PIBF1: variants seen among roughly 807,000 people sequenced by gnomAD.
The protein encoded by PIBF1 is progesterone-induced-blocking factor 1.
PIBF1 carries 90 observed loss-of-function variants against 112.5 expected under a neutral mutation model. The ratio of observed to expected loss-of-function variants is 0.80; its 90% confidence interval spans 0.67 to 0.95. The LOEUF is 0.95. Ranked by LOEUF, PIBF1 falls within the 40% of genes least tolerant of loss-of-function variation. PIBF1 has a pLI of 0.00. For missense variants in PIBF1, 915 were observed against 852.3 expected (o/e 1.07, Z -0.92); for synonymous variants, 301 against 288.6 (o/e 1.04, Z -0.44).
At chr13:72,884,461 T>C (rs2039765606) in intron 10 of PIBF1, 1 of 152,134 alleles carries the variant, frequency 6.6e-6, no homozygotes, top group Non-Finnish European at 1.5e-5. Flanking sequence ...AGCAACACTT[T>C]CTGCAAGGGG....
intron 5 of PIBF1, among the ~76,000 whole-genome samples, chr13:72,813,781 ACCCACTTCTTAAT>A (rs1029278913): frequency 3.9e-5 from 6 of 152,156 alleles, no homozygotes; most frequent in Non-Finnish European, 8.8e-5. Context: ...AGAGGAATGG[ACCCACTTCTTAAT>A]CAGAAAATAG....
rs578204114 is a variant in PIBF1, at chr13:72,921,225, C to T, written c.1730+4059C>T. Reference sequence around the variant, plus strand: ...TCAAGCAATTCTCCTGCCTCAGCCTCCCAAGTAGCTGGGACTACAGGTGCA... The same window carrying T: ...TCAAGCAATTCTCCTGCCTCAGCCTTCCAAGTAGCTGGGACTACAGGTGCA... On this transcript the variant is annotated intron_variant, in intron 13 of 17. Coordinates refer to ENST00000326291, the MANE Select transcript of PIBF1 (RefSeq NM_006346.4). Among the ~76,000 whole-genome samples, 14 of 152,218 alleles carry T rather than the reference C, an allele frequency of 9.2e-5. No homozygotes were observed. The South Asian group carries it at 2.7e-3, about 29-fold the overall frequency.
intron 17 of PIBF1, among the ~76,000 whole-genome samples, chr13:73,009,246 G>C (rs951318513): frequency 6.6e-6 from 1 of 152,140 alleles, no homozygotes; most frequent in Non-Finnish European, 1.5e-5. Context: ...GAACTTAGTC[G>C]TGTGGCCACA....
intron 13 of PIBF1, among the ~76,000 whole-genome samples, chr13:72,920,273 TG>T (rs1253525502): frequency 6.6e-6 from 1 of 152,232 alleles, no homozygotes; most frequent in Non-Finnish European, 1.5e-5. Context: ...TCCTGCCAGC[TG>T]GTGCCAGGCA....
At chr13:72,943,554 A>G (rs779848300) in intron 14 of PIBF1, among the ~76,000 whole-genome samples, 1 of 152,208 alleles carries the variant, frequency 6.6e-6, no homozygotes, top group Non-Finnish European at 1.5e-5. Flanking sequence ...ACTTATTTTT[A>G]AAGGCCCATG....
At chr13:72,931,628 A>G (rs1346614874) in intron 14 of PIBF1, among the ~76,000 whole-genome samples, 1 of 150,720 alleles carries the variant, frequency 6.6e-6, no homozygotes, top group Non-Finnish European at 1.5e-5. Flanking sequence ...TTAATGAGAA[A>G]TCACTCCTCT....
At chr13:72,811,737 A>G (rs1273298314) in intron 5 of PIBF1, among the ~76,000 whole-genome samples, 1 of 152,178 alleles carries the variant, frequency 6.6e-6, no homozygotes, top group African/African-American at 2.4e-5. Flanking sequence ...TGGACTTACT[A>G]AAATCCCTCT....
chr13:72,958,871 T>C (rs1156238034), intron 14 of PIBF1, among the ~76,000 whole-genome samples: 1 of 152,216 alleles, frequency 6.6e-6, no homozygotes, highest in African/African-American at 2.4e-5. Context: ...CCAAGATCAC[T>C]AGGACTGTAT....
intron 6 of PIBF1, among the ~76,000 whole-genome samples, chr13:72,825,936 G>A (rs925243677): frequency 2.6e-5 from 4 of 151,148 alleles, no homozygotes; most frequent in Admixed American, 2.6e-4. Flanking sequence ...GCACATGGTG[G>A]CATGCACCTG....
At chr13:72,969,927 G>A (rs10492653) in intron 15 of PIBF1, among the ~76,000 whole-genome samples, 15,713 of 152,030 alleles carry the variant, frequency 0.1, 2,310 homozygotes, top group African/African-American at 0.33. Context: ...ATCCAAAAGC[G>A]TTATCAAGTT....
chr13:72,783,513 C>G lies in PIBF1; in HGVS notation c.44C>G (p.Ser15Cys). Residue 15 changes from serine to cysteine, a missense_variant, in exon 2 of 18, where the codon TCT becomes TGT. Physicochemically the swap from Ser to Cys is moderately radical, Grantham distance 112 (BLOSUM62 -1). Transcript: ENST00000326291. ...AAGGAGTCAAAAAAAGTGAACATCT[C>G]TAGTTCTCTGGAATCTGAAGATATT... ...ISKESKKVNI[S>C]SSLESEDISL... The G allele has an allele frequency of 6.2e-7, 1 of 1,611,792 alleles. No homozygotes were observed. The highest frequency in any genetic ancestry group is 8.5e-7 in the Non-Finnish European group (1 of 1,177,942).
At chr13:72,805,728 A>G (rs994511431) in intron 5 of PIBF1, among the ~76,000 whole-genome samples, 4 of 152,218 alleles carry the variant, frequency 2.6e-5, no homozygotes, top group African/African-American at 7.2e-5. Flanking sequence ...TAATATTGCT[A>G]TCAAACAGAG....
chr13:72,941,662 A>T (rs956677783), intron 14 of PIBF1, among the ~76,000 whole-genome samples: 1 of 152,242 alleles, frequency 6.6e-6, no homozygotes, highest in Non-Finnish European at 1.5e-5. Context: ...GGCAAGGTTT[A>T]GCTACCTGGA....
At chr13:72,893,670 A>C (rs567301309) in intron 10 of PIBF1, 114 bp from the exon 11 acceptor site, 2 of 537,940 alleles carry the variant, frequency 3.7e-6, no homozygotes, top group Non-Finnish European at 3.0e-6. Flanking sequence ...AATAAATATA[A>C]ATTATTAACT....
At chr13:72,937,636 A>G (rs917349653) in intron 14 of PIBF1, among the ~76,000 whole-genome samples, 2 of 152,278 alleles carry the variant, frequency 1.3e-5, no homozygotes, top group African/African-American at 2.4e-5. Flanking sequence ...CCTGGCCAAC[A>G]TGGCAAAACC....
chr13:72,990,530 A>G (rs2043444257), intron 16 of PIBF1, among the ~76,000 whole-genome samples: 1 of 113,248 alleles, frequency 8.8e-6, no homozygotes, highest in Non-Finnish European at 1.6e-5. Context: ...CTCCATCTCA[A>G]AAAAAAAAAA....
intron 13 of PIBF1, among the ~76,000 whole-genome samples, chr13:72,928,020 T>TATATATACACAC (rs1566458589): frequency 4.4e-4 from 27 of 61,540 alleles, no homozygotes; most frequent in African/African-American, 1.6e-3. Context: ...TATATACATA[T>TATATATACACAC]ATATACATAT....
intron 16 of PIBF1, among the ~76,000 whole-genome samples, chr13:72,997,634 G>A (rs2043722123): frequency 6.6e-6 from 1 of 152,184 alleles, no homozygotes; most frequent in Non-Finnish European, 1.5e-5. Context: ...AGAAAGGCCT[G>A]TAGGAACTTG....
chr13:72,827,636 TG>T, intron 7 of PIBF1, 96 bp from the exon 8 acceptor site: 1 of 710,538 alleles, frequency 1.4e-6, no homozygotes, highest in Non-Finnish European at 2.2e-6. Flanking sequence ...AATTTTCATG[TG>T]GTGAATGAAA....
Sources: gnomAD v4.1 joint callset for allele counts (sites outside exome capture counted in the v4.1 genomes callset) on GRCh38, gnomAD v4.1.1 for gene constraint, MANE v1.5 for transcripts, NCBI Gene and HGNC (gene_info 2026-07-23, HGNC 2026-07-21) for gene names.